The following KLF12 variants were observed in gnomAD, a reference collection of about 807,000 sequenced individuals.
KLF12 encodes Krueppel-like factor 12.
In KLF12, 9 loss-of-function variants were observed where a neutral mutation model predicts 37.8. The observed-to-expected ratio is 0.24, with a 90% CI of 0.14 to 0.42. The LOEUF is 0.42. KLF12 is among the 10% of genes least tolerant of loss of function. KLF12 has a pLI of 1.00. For missense variants in KLF12, 411 were observed against 516.0 expected (o/e 0.80, Z 1.97); for synonymous variants, 208 against 202.1 (o/e 1.03, Z -0.25).
intron 3 of KLF12, among the ~76,000 whole-genome samples, chr13:73,941,305 C>T (rs1890176607): frequency 6.6e-6 from 1 of 152,104 alleles, no homozygotes; most frequent in African/African-American, 2.4e-5. Context: ...GTCTATAACC[C>T]CAGCTACTTG....
chr13:74,261,291 G>A, the KLF12 span, among the ~76,000 whole-genome samples: 9 of 151,910 alleles, frequency 5.9e-5, no homozygotes, highest in African/African-American at 1.2e-4. Flanking sequence ...GAGAATAAGC[G>A]GAATAGAAGA....
At chr13:74,234,882 C>T in the KLF12 span, among the ~76,000 whole-genome samples, 4 of 152,082 alleles carry the variant, frequency 2.6e-5, no homozygotes, top group African/African-American at 9.7e-5. Flanking sequence ...AAAAGGTATA[C>T]ATTTACTGTA....
intron 3 of KLF12, among the ~76,000 whole-genome samples, chr13:73,890,921 G>T (rs1039962301): frequency 6.6e-6 from 1 of 151,938 alleles, no homozygotes; most frequent in African/African-American, 2.4e-5. Flanking sequence ...TAAGGTATTG[G>T]CATTCTAAAA....
chr13:73,973,534 G>A lies in KLF12; in HGVS notation c.33+21456C>T, dbSNP rs114082249. On this transcript the variant is annotated intron_variant, in intron 2 of 7. Coordinates refer to ENST00000377669, the MANE Select transcript of KLF12 (RefSeq NM_007249.5). Reference sequence around the variant, plus strand: ...ATTCCACTCTTCACCTTGAATTACAGCAAAACGGAAGATATAATAACCAAT... The same window carrying A: ...ATTCCACTCTTCACCTTGAATTACAACAAAACGGAAGATATAATAACCAAT... Among the ~76,000 whole-genome samples, 483 of 152,252 alleles carry A rather than the reference G, an allele frequency of 3.2e-3. 2 individuals are homozygous for A. The highest frequency in any genetic ancestry group is 0.011 in the African/African-American group (470 of 41,546).
intron 1 of KLF12, among the ~76,000 whole-genome samples, chr13:74,028,404 G>A (rs866737948): frequency 2.0e-5 from 3 of 152,124 alleles, no homozygotes; most frequent in East Asian, 1.9e-4. Flanking sequence ...AATGACCTGC[G>A]TATGCAGAAT....
At chr13:73,969,102 C>T (rs904925279) in intron 2 of KLF12, among the ~76,000 whole-genome samples, 1 of 151,400 alleles carries the variant, frequency 6.6e-6, no homozygotes, top group Non-Finnish European at 1.5e-5. Context: ...GAATACTAAT[C>T]CAAGAGCATG....
chr13:73,858,103 A>T (rs960239047), intron 3 of KLF12, among the ~76,000 whole-genome samples: 2 of 152,122 alleles, frequency 1.3e-5, no homozygotes, highest in Admixed American at 6.5e-5. Flanking sequence ...CTTTTTTCCT[A>T]TATTTTCTAC....
At chr13:74,203,812 C>A in the KLF12 span, among the ~76,000 whole-genome samples, 1 of 152,118 alleles carries the variant, frequency 6.6e-6, no homozygotes, top group African/African-American at 2.4e-5. Context: ...CCCAGCCATT[C>A]CCATTGACCA....
At chr13:73,913,229 T>G (rs1888658048) in intron 3 of KLF12, among the ~76,000 whole-genome samples, 1 of 152,184 alleles carries the variant, frequency 6.6e-6, no homozygotes, top group South Asian at 2.1e-4. Flanking sequence ...CTTCCCATAG[T>G]CTAGTCTCGC....
At chr13:73,848,885 G>T (rs1885167810) in intron 3 of KLF12, among the ~76,000 whole-genome samples, 1 of 152,116 alleles carries the variant, frequency 6.6e-6, no homozygotes, top group South Asian at 2.1e-4. Context: ...TGTGGCAGCT[G>T]AAATGCAGCT....
the KLF12 span, among the ~76,000 whole-genome samples, chr13:74,242,988 G>A: frequency 2.0e-5 from 3 of 152,166 alleles, no homozygotes; most frequent in Admixed American, 6.5e-5. Flanking sequence ...TATGCAGAAC[G>A]TGCAGGATTG....
At chr13:73,925,667 T>A (rs2139246350) in intron 3 of KLF12, among the ~76,000 whole-genome samples, 1 of 152,316 alleles carries the variant, frequency 6.6e-6, no homozygotes, top group East Asian at 1.9e-4. Context: ...TTCATACAGT[T>A]ATAGCTGCCA....
chr13:74,046,652 A>C (rs796980122), intron 1 of KLF12, among the ~76,000 whole-genome samples: 1 of 152,160 alleles, frequency 6.6e-6, no homozygotes, highest in Non-Finnish European at 1.5e-5. Context: ...TCAGAAGTGA[A>C]TCATATAAGA....
At chr13:74,239,196 G>A in the KLF12 span, among the ~76,000 whole-genome samples, 5 of 150,744 alleles carry the variant, frequency 3.3e-5, no homozygotes, top group African/African-American at 1.2e-4. Context: ...ATTTCGTTAT[G>A]TACCCAGTAG....
chr13:74,051,341 AACACACACACACACACACAC>A (rs10678885), intron 1 of KLF12, among the ~76,000 whole-genome samples: 1 of 143,690 alleles, frequency 7.0e-6, no homozygotes, highest in African/African-American at 2.6e-5. Flanking sequence ...TACACACACA[AACACACACACACACACACAC>A]ACACACACAC....
chr13:73,720,064 G>A (rs576141208), intron 6 of KLF12, among the ~76,000 whole-genome samples: 6 of 152,194 alleles, frequency 3.9e-5, no homozygotes, highest in East Asian at 3.9e-4. Context: ...GGAGGCCACC[G>A]ATAAATGTGT....
intron 3 of KLF12, among the ~76,000 whole-genome samples, chr13:73,915,063 A>C (rs1888751584): frequency 6.6e-6 from 1 of 152,112 alleles, no homozygotes; most frequent in African/African-American, 2.4e-5. Context: ...TCTCTGTAGG[A>C]TCCAGGTGAA....
chr13:74,118,774 T>G (rs1052033776), intron 1 of KLF12, among the ~76,000 whole-genome samples: 1 of 152,058 alleles, frequency 6.6e-6, no homozygotes, highest in Non-Finnish European at 1.5e-5. Context: ...AGGGTGCAAG[T>G]CTGTTAAGAT....
chr13:74,013,758 G>A (rs567104167), intron 1 of KLF12, among the ~76,000 whole-genome samples: 73 of 152,070 alleles, frequency 4.8e-4, no homozygotes, highest in Non-Finnish European at 9.4e-4. Context: ...ATATTAAAAC[G>A]AACAGTATAT....
Sources: allele counts gnomAD v4.1 joint callset (sites outside exome capture counted in the v4.1 genomes callset), GRCh38; gene constraint gnomAD v4.1.1; transcripts MANE v1.5; gene names NCBI Gene and HGNC (gene_info 2026-07-23, HGNC 2026-07-21).